Variants in NRP1 observed in about 807,000 individuals in gnomAD.
NRP1 encodes the protein neuropilin-1.
In NRP1, 35 loss-of-function variants were observed where a neutral mutation model predicts 106.7. The ratio of observed to expected loss-of-function variants is 0.33; its 90% CI spans 0.25 to 0.43. The LOEUF is 0.43. Ranked by LOEUF, NRP1 falls within the 20% of genes least tolerant of loss-of-function variation. NRP1 has a pLI of 1.00. For missense variants in NRP1, 1,024 were observed against 1,170.4 expected, an observed-to-expected ratio of 0.87 and a Z score of 1.83; for synonymous variants, 437 against 417.9, an observed-to-expected ratio of 1.05 and a Z score of -0.56.
intron 2 of NRP1, among the ~76,000 whole-genome samples, chr10:33,301,422 A>G (rs1845792927): frequency 6.6e-6 from 1 of 152,236 alleles, no homozygotes; most frequent in African/African-American, 2.4e-5. Context: ...CAGTCCATAA[A>G]TATCACCTGC....
rs756096845 is a variant in NRP1 at position 33,192,277 on chromosome 10, A to G, written c.2062+4T>C. 1 of 1,612,734 alleles carries G rather than the reference A, an allele frequency of 6.2e-7. No homozygotes were observed. The highest frequency in any genetic ancestry group is 2.2e-5 in the East Asian group (1 of 44,806). ...CCATGCAGCCGAAGTGAACTCTGTG[A>G]TACCTGTGTGATCCTGAATGGGTCC... On this transcript the variant is annotated splice_donor_region_variant and intron_variant, in intron 13 of 16. Transcript: ENST00000374867.
intron 2 of NRP1, among the ~76,000 whole-genome samples, chr10:33,299,643 G>A (rs1244481238): frequency 6.6e-6 from 1 of 152,054 alleles, no homozygotes; most frequent in Non-Finnish European, 1.5e-5. Context: ...AAAATCGGCT[G>A]GTTTTAGTGG....
rs768393816 is a variant in NRP1, at chr10:33,185,741, A to G, written c.2335-17T>C. On this transcript the variant is annotated splice_polypyrimidine_tract_variant and intron_variant, in intron 14 of 16. Transcript: ENST00000374867. ...GAAAATCACCTAACAAAATAAGATC[A>G]TTTTCACAGTATTGAAATGCTCATC... The G allele has an allele frequency of 1.3e-6, 2 of 1,599,482 alleles. No homozygotes were observed. Among genetic ancestry groups the G allele is most frequent in the South Asian group, 1.1e-5 (1 of 90,726 alleles).
intron 2 of NRP1, among the ~76,000 whole-genome samples, chr10:33,278,794 A>C (rs1405950171): frequency 6.6e-6 from 1 of 152,210 alleles, no homozygotes; most frequent in Non-Finnish European, 1.5e-5. Context: ...AATCTCACAC[A>C]TTAAAAATGT....
chr10:33,327,248 C>A (rs1486933595), intron 2 of NRP1, among the ~76,000 whole-genome samples: 1 of 152,076 alleles, frequency 6.6e-6, no homozygotes, highest in African/African-American at 2.4e-5. Flanking sequence ...TTCTAAAAAT[C>A]ACCAACTTGT....
At chr10:33,234,812 A>G (rs117343344) in intron 6 of NRP1, among the ~76,000 whole-genome samples, 1,731 of 152,330 alleles carry the variant, frequency 0.011, 10 homozygotes, top group Non-Finnish European at 0.02. Context: ...TGCTCATAGT[A>G]AAACAGTCCC....
intron 13 of NRP1, among the ~76,000 whole-genome samples, chr10:33,187,363 CT>C (rs762913759): frequency 5.0e-4 from 76 of 151,586 alleles, no homozygotes; most frequent in Admixed American, 9.9e-4. Context: ...ATGTAGTAAT[CT>C]TTTTTTTTAT....
intron 6 of NRP1, among the ~76,000 whole-genome samples, chr10:33,246,466 A>C (rs1227263821): frequency 3.9e-5 from 6 of 152,196 alleles, no homozygotes; most frequent in Non-Finnish European, 8.8e-5. Context: ...AATAGAAGTC[A>C]ATGCAGAATC....
At chr10:33,283,478 A>G (rs1844290308) in intron 2 of NRP1, among the ~76,000 whole-genome samples, 2 of 150,910 alleles carry the variant, frequency 1.3e-5, no homozygotes, top group African/African-American at 5.0e-5. Context: ...AATGCAGTGA[A>G]TAATTTATAT....
At chr10:33,206,406 G>T in intron 10 of NRP1, 1 of 485,188 alleles carries the variant, frequency 2.1e-6, no homozygotes, top group Non-Finnish European at 4.1e-6. Context: ...ACAACCACAC[G>T]GTGAAGAATA....
At chr10:33,245,852 T>C (rs369437025) in intron 6 of NRP1, among the ~76,000 whole-genome samples, 10 of 152,224 alleles carry the variant, frequency 6.6e-5, no homozygotes, top group African/African-American at 2.2e-4. Context: ...GACACTGGCA[T>C]CAAACAGTAA....
rs1588683541 is a variant in NRP1, at chr10:33,186,487, T to C, written c.2064A>G (p.Gly688=). The stretch of plus-strand genomic sequence containing the variant: ...CTTGGGAATAGATGAAGTTGCCATC[T>C]CCTGCTGTGACAAAGAACTGTGTTA... The part of the protein sequence containing the change: ...SKTGPIQDHT[G]DGNFIYSQAD... The change falls in exon 14 of 17, where the codon GGA becomes GGG. Residue 688 remains glycine, a splice_region_variant and synonymous_variant. Transcript: ENST00000374867. 6.2e-7 allele frequency: 1 copy of C among 1,608,274 alleles called. No individual in the cohort carries two copies.
intron 6 of NRP1, among the ~76,000 whole-genome samples, chr10:33,242,448 G>C (rs954900835): frequency 4.6e-5 from 7 of 152,250 alleles, no homozygotes; most frequent in African/African-American, 1.7e-4. Context: ...GACTGGCAAT[G>C]ATTAGTTTTG....
At chr10:33,307,021 T>C (rs904776433) in intron 2 of NRP1, among the ~76,000 whole-genome samples, 41 of 152,236 alleles carry the variant, frequency 2.7e-4, no homozygotes, top group Non-Finnish European at 4.6e-4. Context: ...TTCCATACTC[T>C]GCATATGTTG....
chr10:33,233,314 A>G (rs796265719), intron 6 of NRP1, among the ~76,000 whole-genome samples: 7 of 152,288 alleles, frequency 4.6e-5, no homozygotes, highest in South Asian at 2.1e-4. Context: ...GTTGTAAGAT[A>G]TCTACAGGAA....
intron 6 of NRP1, among the ~76,000 whole-genome samples, chr10:33,238,864 A>T (rs931518415): frequency 6.6e-6 from 1 of 151,324 alleles, no homozygotes; most frequent in African/African-American, 2.4e-5. Flanking sequence ...GTGACCTAAT[A>T]TTTTTTTACT....
rs942241594 is a variant in NRP1 at position 33,263,161 on chromosome 10, G to T, written c.658+485C>A. ...ATTCTCGTTCCTTTTCCAAATTTTT[G>T]TTTTGTAGCATAACGGATGCATAGT... On this transcript the variant is annotated intron_variant, in intron 4 of 16. Transcript: ENST00000374867. 3.4e-4 allele frequency among the ~76,000 whole-genome samples: 51 copies of T among 152,156 alleles called. 2 individuals carry two copies. The highest frequency in any genetic ancestry group is 4.4e-5 in the Non-Finnish European group (3 of 68,024).
intron 9 of NRP1, among the ~76,000 whole-genome samples, chr10:33,208,154 G>A (rs1456081092): frequency 6.6e-6 from 1 of 152,082 alleles, no homozygotes; most frequent in Non-Finnish European, 1.5e-5. Flanking sequence ...TCGAACTTAG[G>A]GTCTCAAGTG....
At chr10:33,192,791 A>G (rs1836504706) in intron 12 of NRP1, among the ~76,000 whole-genome samples, 1 of 152,244 alleles carries the variant, frequency 6.6e-6, no homozygotes, top group Non-Finnish European at 1.5e-5. Flanking sequence ...AGGATAAATC[A>G]TATAAGTTGA....
Sources: allele counts gnomAD v4.1 joint callset (sites outside exome capture counted in the v4.1 genomes callset), GRCh38; gene constraint gnomAD v4.1.1; transcripts MANE v1.5; gene names NCBI Gene and HGNC (gene_info 2026-07-23, HGNC 2026-07-21).